RGS22: variants seen among roughly 807,000 people sequenced by gnomAD.
The protein encoded by RGS22 is regulator of G-protein signaling 22.
In RGS22, 148 loss-of-function variants were observed where a neutral mutation model predicts 172.9. The ratio of observed to expected loss-of-function variants is 0.86; its 90% CI spans 0.75 to 0.98. The LOEUF is 0.98. RGS22 is among the 50% of genes least tolerant of loss of function. The pLI is 0.00. For synonymous variants in RGS22, 458 were observed against 480.2 expected, an observed-to-expected ratio of 0.95 and a Z score of 0.60; for missense variants, 1,347 against 1,440.8, an observed-to-expected ratio of 0.93 and a Z score of 1.05.
intron 18 of RGS22, among the ~76,000 whole-genome samples, chr8:100,001,959 A>G (rs1012315474): frequency 1.3e-5 from 2 of 152,176 alleles, no homozygotes; most frequent in African/African-American, 4.8e-5. Context: ...AGGTGAATAA[A>G]AGTTATTTTA....
At chr8:100,091,042 G>T (rs551589810) in intron 3 of RGS22, among the ~76,000 whole-genome samples, 23 of 152,036 alleles carry the variant, frequency 1.5e-4, no homozygotes, top group African/African-American at 5.5e-4. Flanking sequence ...GATTAGTTTG[G>T]CATACTTACT....
intron 21 of RGS22, among the ~76,000 whole-genome samples, chr8:99,986,774 T>C (rs780050839): frequency 6.6e-6 from 1 of 152,244 alleles, no homozygotes; most frequent in Non-Finnish European, 1.5e-5. Flanking sequence ...TTGGTTTATT[T>C]ATCCATAATC....
At chr8:100,039,067 C>A (rs745876218) in intron 13 of RGS22, 35 bp from the exon 14 acceptor site, 2 of 1,217,396 alleles carry the variant, frequency 1.6e-6, no homozygotes, top group Admixed American at 1.9e-5. Flanking sequence ...TTATTACCAC[C>A]CAATTATTAA....
At chr8:100,009,439 A>G (rs796237487) in intron 14 of RGS22, among the ~76,000 whole-genome samples, 4 of 151,546 alleles carry the variant, frequency 2.6e-5, no homozygotes, top group African/African-American at 4.9e-5. Flanking sequence ...AAAAAAAAAA[A>G]AAAAAGAGTG....
chr8:99,981,353 T>C (rs954096680), intron 22 of RGS22, among the ~76,000 whole-genome samples: 3 of 152,204 alleles, frequency 2.0e-5, no homozygotes, highest in African/African-American at 7.2e-5. Context: ...ATGTGAATAT[T>C]CCAATCTTTA....
chr8:100,003,535 TA>T (rs1386221809), intron 17 of RGS22, among the ~76,000 whole-genome samples: 1 of 151,602 alleles, frequency 6.6e-6, no homozygotes, highest in African/African-American at 2.4e-5. Context: ...AATCTGTTAA[TA>T]AAAATTATAA....
intron 3 of RGS22, among the ~76,000 whole-genome samples, chr8:100,086,063 A>C (rs959963696): frequency 3.3e-5 from 5 of 152,170 alleles, no homozygotes; most frequent in African/African-American, 1.2e-4. Context: ...TTAAGAATGA[A>C]CAGGCAATGT....
At position 100,095,761 on chromosome 8, in the gene RGS22, T is replaced by C. The variant is rs138934503; in HGVS notation, c.55-2252A>G. 6.6e-5 allele frequency among the ~76,000 whole-genome samples: 10 copies of C among 152,348 alleles called. No individual in the cohort carries two copies. In the East Asian group the frequency reaches 1.9e-3, roughly 29 times the overall value. Reference sequence around the variant, plus strand: ...GACTTGACATTTCCTAGGCATTCAGTCATATCCTTTGGTTTGCACTTACAG... The same window carrying C: ...GACTTGACATTTCCTAGGCATTCAGCCATATCCTTTGGTTTGCACTTACAG... On this transcript the variant is annotated intron_variant, in intron 2 of 27. Coordinates refer to ENST00000360863, the MANE Select transcript of RGS22 (RefSeq NM_015668.5).
intron 22 of RGS22, among the ~76,000 whole-genome samples, chr8:99,979,432 A>T (rs1392847470): frequency 6.6e-6 from 1 of 152,196 alleles, no homozygotes; most frequent in Non-Finnish European, 1.5e-5. Flanking sequence ...ATTACCCTGT[A>T]CCTCTCTAAT....
chr8:100,004,517 A>C (rs1486050617), intron 16 of RGS22: 1 of 152,090 alleles, frequency 6.6e-6, no homozygotes, highest in African/African-American at 2.4e-5. Flanking sequence ...TGTAGTTTAT[A>C]AAAAATGAAG....
intron 10 of RGS22, among the ~76,000 whole-genome samples, chr8:100,052,106 A>AACAT (rs1821651885): frequency 2.2e-5 from 1 of 46,108 alleles, no homozygotes; most frequent in Non-Finnish European, 4.0e-5. Context: ...TTTATATATA[A>AACAT]ATGTTTATAT....
At chr8:100,034,184 C>T (rs536321874) in intron 14 of RGS22, among the ~76,000 whole-genome samples, 12 of 152,136 alleles carry the variant, frequency 7.9e-5, no homozygotes, top group African/African-American at 2.2e-4. Flanking sequence ...TGTCCCTGTT[C>T]GCAGATGACA....
intron 14 of RGS22, among the ~76,000 whole-genome samples, chr8:100,029,438 A>G (rs532786771): frequency 6.4e-4 from 97 of 152,332 alleles, no homozygotes; most frequent in African/African-American, 2.2e-3. Context: ...ATGGTGGCTC[A>G]TGCCTGTAAT....
At chr8:100,008,297 C>T in intron 15 of RGS22, 78 bp downstream of exon 15, 2 of 1,401,114 alleles carry the variant, frequency 1.4e-6, no homozygotes, top group Non-Finnish European at 2.0e-6. Context: ...CTCGGCCTCC[C>T]AAAGTGCTGG....
intron 2 of RGS22, among the ~76,000 whole-genome samples, chr8:100,094,027 AAAT>A (rs145104984): frequency 0.021 from 3,160 of 152,296 alleles, 107 homozygotes; most frequent in African/African-American, 0.072. Context: ...GTACATTTTT[AAAT>A]CTGGATCCTG....
chr8:100,081,731 T>A (rs1811775110), intron 3 of RGS22, among the ~76,000 whole-genome samples: 1 of 152,124 alleles, frequency 6.6e-6, no homozygotes, highest in Admixed American at 6.5e-5. Flanking sequence ...TCTGCTGATA[T>A]CGCAGATTAG....
chr8:100,012,574 A>T (rs1332523930), intron 14 of RGS22, among the ~76,000 whole-genome samples: 1 of 152,030 alleles, frequency 6.6e-6, no homozygotes, highest in Non-Finnish European at 1.5e-5. Flanking sequence ...AAGAGTGAGG[A>T]GAGAGACAAA....
At chr8:100,066,046 G>T in intron 7 of RGS22, 121 bp downstream of exon 7, 1 of 799,816 alleles carries the variant, frequency 1.3e-6, no homozygotes, top group South Asian at 2.9e-5. Context: ...AGTCGAGTGA[G>T]GCAAAGCGTA....
chr8:100,103,432 T>C (rs1180136705), intron 2 of RGS22, among the ~76,000 whole-genome samples: 1 of 152,118 alleles, frequency 6.6e-6, no homozygotes, highest in African/African-American at 2.4e-5. Flanking sequence ...GTCTTTGATG[T>C]GAGTGACTGA....
Sources: allele counts gnomAD v4.1 joint callset (sites outside exome capture counted in the v4.1 genomes callset), GRCh38; gene constraint gnomAD v4.1.1; transcripts MANE v1.5; gene names NCBI Gene and HGNC (gene_info 2026-07-23, HGNC 2026-07-21).